Variants in PUDP observed in about 807,000 individuals in gnomAD.
PUDP encodes the protein pseudouridine 5'-phosphatase.
PUDP carries 8 observed loss-of-function variants against 9.4 expected under a neutral mutation model. The observed-to-expected ratio is 0.85, with a 90% CI of 0.50 to 1.53. PUDP has a LOEUF of 1.53. Among genes scored for constraint, PUDP ranks in the 40% most tolerant of loss-of-function variants. The pLI, the probability that PUDP is intolerant of heterozygous loss-of-function variation, is 0.00. For synonymous variants in PUDP, 99 were observed against 80.7 expected (o/e 1.23, Z -1.22); for missense variants, 188 against 189.7 (o/e 0.99, Z 0.05).
chrX:6,897,223 A>G (rs1220241444), intron 3 of PUDP, among the ~76,000 whole-genome samples: 2 of 111,718 alleles, frequency 1.8e-5, no homozygotes, highest in Non-Finnish European at 3.8e-5. Flanking sequence ...TTTAAACATC[A>G]TTTGTAGAAA....
chrX:6,902,950 A>T lies in PUDP; in HGVS notation c.*247+74183T>A, dbSNP rs58369897. Among the ~76,000 whole-genome samples the T allele has an allele frequency of 9.2e-3, 1,029 of 111,810 alleles. 8 individuals carry two copies. The highest frequency in any genetic ancestry group is 0.031 in the African/African-American group (960 of 30,773). ...AAATTCATTTTTTTCTTTAAAAACA[A>T]GGTATTCGGTTACAATGTCAGTAAT... is the stretch of plus-strand genomic sequence containing the variant. On this transcript the variant is annotated intron_variant and NMD_transcript_variant, in intron 3 of 3. Transcript: ENST00000655425.
At chrX:6,929,029 T>C (rs1273322822) in intron 3 of PUDP, among the ~76,000 whole-genome samples, 1 of 112,122 alleles carries the variant, frequency 8.9e-6, no homozygotes, top group East Asian at 2.8e-4. Flanking sequence ...CAGATGTACA[T>C]AGTTATTCCT....
At chrX:7,131,977 A>G (rs1022445795) in intron 1 of PUDP, among the ~76,000 whole-genome samples, 1 of 110,150 alleles carries the variant, frequency 9.1e-6, no homozygotes, top group Non-Finnish European at 1.9e-5. Context: ...TGTGAGGCAC[A>G]TCCGACTGGC....
chrX:6,939,057 C>G (rs897358624), intron 3 of PUDP, among the ~76,000 whole-genome samples: 1 of 110,111 alleles, frequency 9.1e-6, no homozygotes, highest in Non-Finnish European at 1.9e-5. Context: ...GGCTTTTTAT[C>G]TCTAGGTTTC....
chrX:6,819,515 C>T (rs1341994304), intron 3 of PUDP, among the ~76,000 whole-genome samples: 1 of 112,472 alleles, frequency 8.9e-6, no homozygotes, highest in East Asian at 2.8e-4. Flanking sequence ...GATTTGAGTG[C>T]TACTAAACGA....
At chrX:7,021,205 TA>T (rs1458978710) in intron 1 of PUDP, among the ~76,000 whole-genome samples, 2 of 112,147 alleles carry the variant, frequency 1.8e-5, no homozygotes, top group East Asian at 5.6e-4. Context: ...TATAAAAAAG[TA>T]ATGTGTTGTC....
chrX:6,853,899 G>A (rs1223844518), intron 3 of PUDP, among the ~76,000 whole-genome samples: 1 of 110,906 alleles, frequency 9.0e-6, no homozygotes, highest in African/African-American at 3.3e-5. Context: ...AAGTGGCTGG[G>A]ACTACAGCCA....
At chrX:7,069,971 G>A (rs1483847257) in intron 3 of PUDP, among the ~76,000 whole-genome samples, 2 of 112,253 alleles carry the variant, frequency 1.8e-5, no homozygotes, top group African/African-American at 6.5e-5. Context: ...ATACAAATCC[G>A]AAATTCTAAC....
intron 3 of PUDP, among the ~76,000 whole-genome samples, chrX:6,914,166 C>CA (rs11313132): frequency 0.033 from 1,829 of 55,018 alleles, 63 homozygotes; most frequent in African/African-American, 0.069. Context: ...GACCCCGTCT[C>CA]AAAAAAAAAA....
chrX:7,108,911 C>A (rs1602793764), intron 1 of PUDP, among the ~76,000 whole-genome samples: 1 of 112,079 alleles, frequency 8.9e-6, no homozygotes, highest in African/African-American at 3.2e-5. Flanking sequence ...AGAACCTCCA[C>A]CGTTCTGGAT....
intron 3 of PUDP, among the ~76,000 whole-genome samples, chrX:6,896,570 C>T (rs1279374143): frequency 5.4e-5 from 6 of 111,998 alleles, no homozygotes; most frequent in Non-Finnish European, 7.5e-5. Flanking sequence ...CTGTCTAAGG[C>T]GGATGTGCAA....
intron 3 of PUDP, among the ~76,000 whole-genome samples, chrX:6,850,000 C>G (rs1251595775): frequency 3.6e-4 from 40 of 111,542 alleles, no homozygotes. Context: ...TTTTAGAAGG[C>G]TTTTGCTTCA....
intron 3 of PUDP, among the ~76,000 whole-genome samples, chrX:6,815,136 G>A (rs1254097294): frequency 1.9e-5 from 2 of 103,946 alleles, no homozygotes; most frequent in African/African-American, 7.2e-5. Context: ...AAATCAGATT[G>A]TCAGAAAGGG....
chrX:7,083,245 A>G (rs1052124086), intron 2 of PUDP, among the ~76,000 whole-genome samples: 2 of 112,168 alleles, frequency 1.8e-5, no homozygotes, highest in Non-Finnish European at 1.9e-5. Flanking sequence ...CTGTTCTTGA[A>G]TGTGAATGAG....
At chrX:6,773,996 G>A (rs745925110) in intron 3 of PUDP, among the ~76,000 whole-genome samples, 2 of 111,069 alleles carry the variant, frequency 1.8e-5, no homozygotes, top group South Asian at 3.9e-4. Context: ...AAAATTAGCC[G>A]GATGTGGTGG....
Position 6,898,346 on chromosome X carries a change from C to T in PUDP, c.*247+78787G>A, listed in dbSNP as rs188583375. On this transcript the variant is annotated intron_variant and NMD_transcript_variant, in intron 3 of 3. Coordinates refer to the PUDP transcript ENST00000655425. ...CGGCAAAAGACATGTCAAGATTCAT[C>T]GAGTTCATGCATTTTTATTTTTTCA... 4.6e-3 allele frequency among the ~76,000 whole-genome samples: 517 copies of T among 112,679 alleles called. 8 individuals carry two copies. Among genetic ancestry groups the T allele is most frequent in the Non-Finnish European group, 6.6e-3 (351 of 53,299 alleles).
intron 3 of PUDP, among the ~76,000 whole-genome samples, chrX:6,932,680 G>C (rs753000615): frequency 8.9e-6 from 1 of 112,302 alleles, no homozygotes; most frequent in African/African-American, 3.2e-5. Context: ...TGCCTCACTT[G>C]GGAAGCGCAA....
At chrX:6,958,658 G>A (rs1928662710) in intron 3 of PUDP, among the ~76,000 whole-genome samples, 1 of 107,555 alleles carries the variant, frequency 9.3e-6, no homozygotes, top group Non-Finnish European at 1.9e-5. Context: ...CTTGAACCTG[G>A]GAAGCGGAGG....
intron 3 of PUDP, among the ~76,000 whole-genome samples, chrX:6,807,735 T>C (rs1420218668): frequency 8.9e-6 from 1 of 111,899 alleles, no homozygotes; most frequent in African/African-American, 3.3e-5. Context: ...ATCAAAGGTG[T>C]CTCCCAAGGC....
Sources: allele counts gnomAD v4.1 joint callset (sites outside exome capture counted in the v4.1 genomes callset), GRCh38; gene constraint gnomAD v4.1.1; transcripts MANE v1.5; gene names NCBI Gene and HGNC (gene_info 2026-07-23, HGNC 2026-07-21).